The following PRKN variants were observed in gnomAD, a reference collection of about 807,000 sequenced individuals.
The protein encoded by PRKN is E3 ubiquitin-protein ligase parkin.
In PRKN, 56 loss-of-function variants were observed where a neutral mutation model predicts 59.5. The ratio of observed to expected loss-of-function variants is 0.94; its 90% CI spans 0.76 to 1.18. The LOEUF (loss-of-function observed/expected upper bound fraction) is 1.18, where lower values mean the gene tolerates loss of function less well. Ranked by LOEUF, PRKN falls within the 50% of genes most tolerant of loss-of-function variation. The pLI, the probability that PRKN is intolerant of heterozygous loss-of-function variation, is 0.00. For synonymous variants in PRKN, 250 were observed against 222.1 expected (o/e 1.13, Z -1.12); for missense variants, 657 against 596.4 (o/e 1.10, Z -1.06).
At chr6:162,674,125 G>A (rs1316884719) in intron 1 of PRKN, among the ~76,000 whole-genome samples, 1 of 152,168 alleles carries the variant, frequency 6.6e-6, no homozygotes, top group Non-Finnish European at 1.5e-5. Flanking sequence ...CATCATTACA[G>A]CTTTGACTGT....
At position 161,378,058 on chromosome 6, in the gene PRKN, A is replaced by C. The variant is rs1785799479; in HGVS notation, c.1167+8736T>G. On this transcript the variant is annotated intron_variant, in intron 10 of 11. Transcript: ENST00000366898. This position sits in a 1 kb window ranked among gnomAD's most constrained non-coding sequence, Gnocchi z 7.3. ...GAGATACAAGCTCCTAAGCAGTGGC[A>C]AACGTCTTGGCAGCCTCTTTAAGGG... Among the ~76,000 whole-genome samples, 1 of 152,190 alleles carries C rather than the reference A, an allele frequency of 6.6e-6. No individual in the cohort carries two copies. The highest frequency in any genetic ancestry group is 1.5e-5 in the Non-Finnish European group (1 of 68,018).
rs1787091702 is a variant in PRKN at position 161,402,453 on chromosome 6, C to T, written c.1084-15576G>A. 6.6e-6 allele frequency among the ~76,000 whole-genome samples: 1 copy of T among 152,070 alleles called. No individual in the cohort carries two copies. Among genetic ancestry groups the T allele is most frequent in the Non-Finnish European group, 1.5e-5 (1 of 68,020 alleles). ...GATCTCAGGTGAGTCGAGGAAATGC[C>T]ACAGACATTGCTGCCTCTCTACTAA... On this transcript the variant is annotated intron_variant, in intron 9 of 11. Transcript: ENST00000366898. This position sits in a 1 kb window ranked among gnomAD's most constrained non-coding sequence, Gnocchi z 4.5.
At chr6:161,892,881 C>T (rs980842908) in intron 6 of PRKN, among the ~76,000 whole-genome samples, 1 of 152,252 alleles carries the variant, frequency 6.6e-6, no homozygotes, top group African/African-American at 2.4e-5. Flanking sequence ...CTCACTCTAT[C>T]ACCCAGGCTG....
intron 2 of PRKN, among the ~76,000 whole-genome samples, chr6:162,401,558 G>A (rs1207025228): frequency 2.6e-5 from 4 of 152,106 alleles, no homozygotes; most frequent in African/African-American, 9.7e-5. Context: ...TACTGAAAGT[G>A]AAAAGCAGAA....
intron 3 of PRKN, among the ~76,000 whole-genome samples, chr6:162,214,619 T>C (rs772229128): frequency 6.6e-6 from 1 of 152,226 alleles, no homozygotes; most frequent in Admixed American, 6.5e-5. Context: ...GTTACCTGTA[T>C]ATTTGCAGAC....
At chr6:161,789,264 G>C (rs1265102593) in intron 6 of PRKN, among the ~76,000 whole-genome samples, 1 of 152,174 alleles carries the variant, frequency 6.6e-6, no homozygotes, top group Admixed American at 6.5e-5. Flanking sequence ...TCAAAGAGGA[G>C]GGGAAAGCTA....
At chr6:161,559,698 C>G (rs1029345136) in intron 8 of PRKN, among the ~76,000 whole-genome samples, 5 of 152,094 alleles carry the variant, frequency 3.3e-5, no homozygotes, top group Non-Finnish European at 5.9e-5. Flanking sequence ...GCGATGGTTT[C>G]TAGGTGATTC....
chr6:161,723,516 C>G (rs897374572), intron 7 of PRKN, among the ~76,000 whole-genome samples: 11 of 152,016 alleles, frequency 7.2e-5, no homozygotes, highest in African/African-American at 2.7e-4. Context: ...TTTCTGGCTC[C>G]TGTTGTTGGC....
intron 1 of PRKN, among the ~76,000 whole-genome samples, chr6:162,485,934 C>T (rs1792518902): frequency 6.6e-6 from 1 of 152,136 alleles, no homozygotes; most frequent in African/African-American, 2.4e-5. Flanking sequence ...ATATGCAAAG[C>T]CTGTTTTACG....
At chr6:161,614,539 C>G (rs907842096) in intron 7 of PRKN, among the ~76,000 whole-genome samples, 1 of 152,166 alleles carries the variant, frequency 6.6e-6, no homozygotes, top group Non-Finnish European at 1.5e-5. Context: ...AGTGCACCAC[C>G]GGACTGAAAT....
intron 4 of PRKN, among the ~76,000 whole-genome samples, chr6:162,189,017 T>C (rs1010151812): frequency 3.3e-5 from 5 of 151,878 alleles, no homozygotes; most frequent in African/African-American, 4.8e-5. Context: ...ATTCTAATTA[T>C]CTTCTATAGG....
rs1174782425 is a variant in PRKN, at chr6:161,545,718, G to T, written c.1083+3136C>A. ...TTTATGACCTCTATATATGCTATAGGGAGCCCACAGATGTAGCTTTAGATT... is the reference window on the plus strand; with the variant it reads ...TTTATGACCTCTATATATGCTATAGTGAGCCCACAGATGTAGCTTTAGATT... On this transcript the variant is annotated intron_variant, in intron 9 of 11. Transcript: ENST00000366898. The surrounding 1 kb of genome is among the most constrained non-coding windows in gnomAD (Gnocchi z 4.1). Among the ~76,000 whole-genome samples, 1 of 152,178 alleles carries T rather than the reference G, an allele frequency of 6.6e-6. No individual in the cohort carries two copies. Among genetic ancestry groups the T allele is most frequent in the South Asian group, 2.1e-4 (1 of 4,826 alleles).
At position 161,347,613 on chromosome 6, in the gene PRKN, G is replaced by GTTTTTTTTTTTTTTTTTTT. The variant is rs763588687; in HGVS notation, c.*2485_*2486insAAAAAAAAAAAAAAAAAAA. On this transcript the variant is annotated 3_prime_UTR_variant, in exon 12 of 12. Coordinates refer to ENST00000366898, the MANE Select transcript of PRKN (RefSeq NM_004562.3). ...GTGTAGTGGATGATCTTGCTTTTTTGTTTTTGTTTTTTTTTTTTTTTTGAG... is the reference window on the plus strand; with the variant it reads ...GTGTAGTGGATGATCTTGCTTTTTTGTTTTTTTTTTTTTTTTTTTTTTTTGTTTTTTTTTTTTTTTTGAG... The GTTTTTTTTTTTTTTTTTTT allele has an allele frequency of 1.7e-5, 2 of 119,274 alleles. No individual in the cohort carries two copies. The highest frequency in any genetic ancestry group is 1.7e-5 in the Non-Finnish European group (1 of 58,082). 7.4% of individuals were successfully genotyped at this position (119,274 alleles called of 1,614,324 possible). A position where few individuals can be genotyped will look rare whatever the true frequency, so the allele number is the denominator to read the frequency against.
intron 5 of PRKN, among the ~76,000 whole-genome samples, chr6:162,009,730 G>A (rs1166253126): frequency 6.6e-6 from 1 of 151,776 alleles, no homozygotes; most frequent in Non-Finnish European, 1.5e-5. Flanking sequence ...GAAGTCAGGA[G>A]TGTGAAACGA....
chr6:161,395,649 A>G lies in PRKN; in HGVS notation c.1084-8772T>C, dbSNP rs1020407178. 2.0e-5 allele frequency among the ~76,000 whole-genome samples: 3 copies of G among 152,224 alleles called. No individual in the cohort carries two copies. Among genetic ancestry groups the G allele is most frequent in the African/African-American group, 7.2e-5 (3 of 41,442 alleles). ...GCCTTTGTCAAGCTGCTTTAAAAGA[A>G]TATCAAATACATCCCAGCACTTTTG... On this transcript the variant is annotated intron_variant, in intron 9 of 11. Transcript: ENST00000366898. This position sits in a 1 kb window ranked among gnomAD's most constrained non-coding sequence, Gnocchi z 5.0.
At chr6:161,795,570 C>T (rs1378921795) in intron 6 of PRKN, among the ~76,000 whole-genome samples, 1 of 152,012 alleles carries the variant, frequency 6.6e-6, no homozygotes, top group Non-Finnish European at 1.5e-5. Context: ...TGAACCTGCA[C>T]CAGGTCTCTC....
intron 2 of PRKN, among the ~76,000 whole-genome samples, chr6:162,305,834 C>T (rs1583347911): frequency 6.6e-6 from 1 of 151,956 alleles, no homozygotes; most frequent in African/African-American, 2.4e-5. Flanking sequence ...ACCATATATA[C>T]ATTTATCATA....
intron 6 of PRKN, among the ~76,000 whole-genome samples, chr6:161,788,735 G>A (rs997751104): frequency 3.3e-5 from 5 of 152,176 alleles, no homozygotes; most frequent in Non-Finnish European, 5.9e-5. Flanking sequence ...GAATGCAACC[G>A]GGGAAGCTGG....
chr6:162,107,379 C>T (rs770949017), intron 4 of PRKN, among the ~76,000 whole-genome samples: 6 of 152,132 alleles, frequency 3.9e-5, no homozygotes, highest in Non-Finnish European at 7.4e-5. Flanking sequence ...GCAGGAGTAT[C>T]GCATGAACGC....
Sources: gnomAD v4.1 joint callset for allele counts (sites outside exome capture counted in the v4.1 genomes callset) on GRCh38, gnomAD v4.1.1 for gene constraint, Gnocchi (gnomAD v3.1) non-coding constraint, MANE v1.5 for transcripts, NCBI Gene and HGNC (gene_info 2026-07-23, HGNC 2026-07-21) for gene names.